Variants in SYNE1 observed in about 807,000 individuals in gnomAD.
The protein encoded by SYNE1 is spectrin repeat containing nuclear envelope protein 1.
Under a neutral mutation model 1,111.0 loss-of-function variants are expected in SYNE1, and 616 were observed. The ratio of observed to expected loss-of-function variants is 0.55; its 90% CI spans 0.52 to 0.59. The LOEUF is 0.59. Ranked by LOEUF, SYNE1 falls within the 20% of genes least tolerant of loss-of-function variation. The pLI is 0.00. For missense variants in SYNE1, 10,006 were observed against 10,417.0 expected (o/e 0.96, Z 1.72); for synonymous variants, 3,855 against 3,825.8 (o/e 1.01, Z -0.28).
At chr6:152,183,319 A>G (rs1182797916) in intron 128 of SYNE1, among the ~76,000 whole-genome samples, 3 of 152,176 alleles carry the variant, frequency 2.0e-5, no homozygotes, top group Non-Finnish European at 4.4e-5. Flanking sequence ...CAAAATAATC[A>G]TTGTCTATGA....
intron 46 of SYNE1, 22 bp downstream of exon 46, chr6:152,404,191 G>A: frequency 6.4e-7 from 1 of 1,555,720 alleles, no homozygotes; most frequent in Non-Finnish European, 8.9e-7. Flanking sequence ...TGGAAGTCTA[G>A]TAGTTATTAC....
intron 3 of SYNE1, among the ~76,000 whole-genome samples, chr6:152,583,219 T>A (rs1272506138): frequency 1.3e-5 from 2 of 152,208 alleles, no homozygotes; most frequent in Non-Finnish European, 2.9e-5. Context: ...CACTGTGTGT[T>A]GGGACTTCTA....
intron 3 of SYNE1, among the ~76,000 whole-genome samples, chr6:152,615,512 A>G (rs1297611237): frequency 6.6e-6 from 1 of 152,068 alleles, no homozygotes; most frequent in Admixed American, 6.6e-5. Flanking sequence ...TTCTTTGATT[A>G]TTATTATGGT....
intron 98 of SYNE1, among the ~76,000 whole-genome samples, chr6:152,271,323 T>A (rs1401400453): frequency 2.6e-5 from 4 of 152,222 alleles, no homozygotes; most frequent in East Asian, 3.8e-4. Context: ...TGAAGCTAAA[T>A]GAACAGTAAA....
At chr6:152,441,490 T>G (rs572101505) in intron 31 of SYNE1, among the ~76,000 whole-genome samples, 3 of 152,282 alleles carry the variant, frequency 2.0e-5, no homozygotes, top group Non-Finnish European at 4.4e-5. Context: ...CTCAGATGAT[T>G]TCTGAGTTTT....
chr6:152,548,119 G>T lies in SYNE1; in HGVS notation c.68-8098C>A, dbSNP rs1336391482. On this transcript the variant is annotated intron_variant, in intron 3 of 145. Transcript: ENST00000367255. The stretch of plus-strand genomic sequence containing the variant: ...AAACCAGCTTCTAAGAATCTTTAGG[G>T]CACTGCCCACAGCAGCCTCATATGT... 2.6e-5 allele frequency among the ~76,000 whole-genome samples: 4 copies of T among 152,260 alleles called. No individual in the cohort carries two copies. The South Asian group carries it at 8.3e-4, about 32-fold the overall frequency.
At chr6:152,339,442 T>C (rs2096483836) in intron 74 of SYNE1, 76 bp from the exon 75 acceptor site, 2 of 1,584,094 alleles carry the variant, frequency 1.3e-6, no homozygotes, top group Non-Finnish European at 8.6e-7. Context: ...ATTTGGAATA[T>C]TCTGTTGACA....
chr6:152,468,071 C>A (rs542141878), intron 16 of SYNE1, among the ~76,000 whole-genome samples: 2 of 152,050 alleles, frequency 1.3e-5, no homozygotes, highest in Non-Finnish European at 2.9e-5. Context: ...AATCAGGGGA[C>A]TTTTAAAGTT....
intron 101 of SYNE1, among the ~76,000 whole-genome samples, chr6:152,260,865 G>A (rs2091887084): frequency 6.6e-6 from 1 of 152,086 alleles, no homozygotes; most frequent in Non-Finnish European, 1.5e-5. Context: ...TAACCAGGAA[G>A]CAGAGCTCAG....
chr6:152,552,643 A>C (rs987784423), intron 3 of SYNE1, among the ~76,000 whole-genome samples: 1 of 152,128 alleles, frequency 6.6e-6, no homozygotes, highest in Admixed American at 6.6e-5. Flanking sequence ...TAAAAGAGTG[A>C]ACCTGAGAAA....
At chr6:152,573,418 G>A (rs566896324) in intron 3 of SYNE1, among the ~76,000 whole-genome samples, 1 of 145,110 alleles carries the variant, frequency 6.9e-6, no homozygotes, top group South Asian at 2.1e-4. Context: ...ACCTATGAGT[G>A]AGAACATGCG....
At chr6:152,194,341 C>T (rs115718673) in intron 127 of SYNE1, among the ~76,000 whole-genome samples, 2,119 of 152,286 alleles carry the variant, frequency 0.014, 52 homozygotes, top group African/African-American at 0.048. Context: ...TTCTCCTGTT[C>T]GGTAAGGTTT....
chr6:152,586,683 C>G (rs1319935050), intron 3 of SYNE1, among the ~76,000 whole-genome samples: 2 of 145,926 alleles, frequency 1.4e-5, no homozygotes, highest in Non-Finnish European at 3.0e-5. Flanking sequence ...CACACACACA[C>G]CACTATGAAG....
intron 4 of SYNE1, among the ~76,000 whole-genome samples, chr6:152,530,056 A>T (rs1253618664): frequency 1.3e-5 from 2 of 152,224 alleles, no homozygotes; most frequent in Non-Finnish European, 2.9e-5. Flanking sequence ...GGTCTCAGGC[A>T]TAGAAAACCA....
At chr6:152,241,500 C>CTGTGTGTGTGTGTGTGTG (rs1231628952) in intron 107 of SYNE1, among the ~76,000 whole-genome samples, 15,369 of 73,554 alleles carry the variant, frequency 0.21, 1,332 homozygotes, top group Middle Eastern at 0.33. Flanking sequence ...AATGCAAGAG[C>CTGTGTGTGTGTGTGTGTG]TGTGTGTGTG....
At chr6:152,305,748 G>T (rs1170110750) in intron 91 of SYNE1, among the ~76,000 whole-genome samples, 1 of 152,154 alleles carries the variant, frequency 6.6e-6, no homozygotes, top group Non-Finnish European at 1.5e-5. Context: ...TCTCCACTCA[G>T]CACTTTCCTT....
At chr6:152,133,727 A>G (rs928082225) in intron 142 of SYNE1, 4 of 571,042 alleles carry the variant, frequency 7.0e-6, no homozygotes, top group Admixed American at 3.0e-5. Context: ...TGCCTGGTCC[A>G]CAGTATTATT....
At chr6:152,204,517 T>C (rs935026638) in intron 126 of SYNE1, among the ~76,000 whole-genome samples, 3 of 152,148 alleles carry the variant, frequency 2.0e-5, no homozygotes, top group African/African-American at 7.2e-5. Context: ...ACTAACAGTA[T>C]TAAAAGCTAA....
At chr6:152,400,381 G>A (rs1245683992) in intron 47 of SYNE1, among the ~76,000 whole-genome samples, 2 of 152,076 alleles carry the variant, frequency 1.3e-5, no homozygotes, top group Admixed American at 1.3e-4. Context: ...ACATGAAAAT[G>A]GGCCAGGTGT....
Sources: allele counts gnomAD v4.1 joint callset (sites outside exome capture counted in the v4.1 genomes callset), GRCh38; gene constraint gnomAD v4.1.1; transcripts MANE v1.5; gene names NCBI Gene and HGNC (gene_info 2026-07-23, HGNC 2026-07-21).